The following SLC75A1 variants were observed in gnomAD, a reference collection of about 807,000 sequenced individuals.
The protein encoded by SLC75A1 is major facilitator superfamily domain containing 10.
chr4:2,932,671 T>G, the SLC75A1 span: 1 of 1,611,370 alleles, frequency 6.2e-7, no homozygotes, highest in African/African-American at 1.3e-5. Flanking sequence ...ACGTTCCCTT[T>G]GCTGATGCCC....
the SLC75A1 span, chr4:2,931,632 C>T: frequency 1.2e-5 from 19 of 1,613,404 alleles, no homozygotes; most frequent in South Asian, 3.3e-5. Context: ...ATGGTGAGGC[C>T]GATGAGGAAA....
At chr4:2,931,673 G>C in the SLC75A1 span, 1 of 1,610,208 alleles carries the variant, frequency 6.2e-7, no homozygotes, top group Non-Finnish European at 8.5e-7. Context: ...GCTGGGAGCG[G>C]GTGTGTTAGT....
chr4:2,932,134 C>A, the SLC75A1 span: 1 of 1,608,790 alleles, frequency 6.2e-7, no homozygotes, highest in Non-Finnish European at 8.5e-7. Flanking sequence ...ATCACGGAAC[C>A]CCAGGGCGAT....
the SLC75A1 span, chr4:2,931,418 A>C: frequency 1.9e-6 from 3 of 1,553,428 alleles, no homozygotes; most frequent in South Asian, 2.4e-5. Flanking sequence ...CGGGCAGAGA[A>C]CGTCCCCAGC....
chr4:2,932,846 C>T, the SLC75A1 span: 4 of 1,461,998 alleles, frequency 2.7e-6, no homozygotes, highest in Non-Finnish European at 2.7e-6. Context: ...AGACAACACC[C>T]CTCAACCCTG....
chr4:2,932,174 A>AGCCTGCAGGAGC, the SLC75A1 span: 6 of 1,587,792 alleles, frequency 3.8e-6, no homozygotes, highest in Non-Finnish European at 5.1e-6. Flanking sequence ...GGCATTGGAG[A>AGCCTGCAGGAGC]GCCTGCAGGA....
At chr4:2,932,382 A>G in the SLC75A1 span, 10 of 1,613,478 alleles carry the variant, frequency 6.2e-6, no homozygotes, top group Admixed American at 1.0e-4. Context: ...CTCTGGCAGG[A>G]AGCAGAAGAT....
chr4:2,933,709 C>A, the SLC75A1 span: 1 of 1,599,406 alleles, frequency 6.3e-7, no homozygotes, highest in African/African-American at 1.4e-5. Context: ...GTCTGATGGG[C>A]CTGGGGGGCA....
At chr4:2,931,693 C>G in the SLC75A1 span, 2 of 1,598,338 alleles carry the variant, frequency 1.3e-6, no homozygotes, top group Non-Finnish European at 1.7e-6. Flanking sequence ...TGCAGGGCAC[C>G]CGGGGCAGGG....
the SLC75A1 span, chr4:2,933,219 A>G: frequency 8.1e-6 from 13 of 1,612,318 alleles, no homozygotes; most frequent in Non-Finnish European, 1.1e-5. Flanking sequence ...CCTGAGAGAC[A>G]GATGTCACCA....
the SLC75A1 span, chr4:2,930,647 G>A: frequency 1.6e-6 from 1 of 619,640 alleles, no homozygotes; most frequent in Admixed American, 3.0e-5. Context: ...GACAGCCTTG[G>A]AGTGCTGCAG....
At chr4:2,933,103 T>C in the SLC75A1 span, 1 of 1,613,186 alleles carries the variant, frequency 6.2e-7, no homozygotes, top group Non-Finnish European at 8.5e-7. Flanking sequence ...CCCAGGAACA[T>C]ACCAGGCACA....
chr4:2,931,079 G>A, the SLC75A1 span: 1 of 1,599,824 alleles, frequency 6.3e-7, no homozygotes, highest in Non-Finnish European at 8.5e-7. Flanking sequence ...GCCACCAGGG[G>A]CCCCGCGGCC....
chr4:2,933,693 G>A, the SLC75A1 span: 1 of 1,612,092 alleles, frequency 6.2e-7, no homozygotes, highest in South Asian at 1.1e-5. Flanking sequence ...GATAAGGGCT[G>A]GGGAGGTCTG....
At chr4:2,931,408 C>T in the SLC75A1 span, 15 of 1,551,892 alleles carry the variant, frequency 9.7e-6, no homozygotes, top group African/African-American at 4.1e-5. Context: ...AGGCCCAGCA[C>T]GGGCAGAGAA....
the SLC75A1 span, chr4:2,932,572 A>T: frequency 6.2e-7 from 1 of 1,611,920 alleles, no homozygotes; most frequent in Non-Finnish European, 8.5e-7. Flanking sequence ...CACCACCAGG[A>T]CCCCAAAGGC....
At chr4:2,931,038 C>A in the SLC75A1 span, 19 of 1,609,900 alleles carry the variant, frequency 1.2e-5, no homozygotes, top group African/African-American at 2.1e-4. Context: ...CCAGCCTGCC[C>A]CAGCACCATC....
At chr4:2,933,346 G>A in the SLC75A1 span, 2 of 988,658 alleles carry the variant, frequency 2.0e-6, no homozygotes, top group Non-Finnish European at 3.0e-6. Context: ...TGGCCCTTGA[G>A]CCGAGGGGGC....
At chr4:2,931,427 G>A in the SLC75A1 span, 1 of 1,556,842 alleles carries the variant, frequency 6.4e-7, no homozygotes, top group South Asian at 1.2e-5. Flanking sequence ...AACGTCCCCA[G>A]CCGATGAGGA....
Sources: allele counts gnomAD v4.1 joint callset, GRCh38; gene constraint gnomAD v4.1.1; transcripts MANE v1.5; gene names NCBI Gene and HGNC (gene_info 2026-07-23, HGNC 2026-07-21).